Variants in TMEM178B observed in about 807,000 individuals in gnomAD.
TMEM178B encodes the protein transmembrane protein 178B.
A neutral mutation model predicts 31.0 loss-of-function variants in TMEM178B; 5 were observed. The observed-to-expected ratio is 0.16, with a 90% CI of 0.08 to 0.34. The LOEUF (loss-of-function observed/expected upper bound fraction) is 0.34, where lower values mean the gene tolerates loss of function less well. Among genes scored for constraint, TMEM178B ranks in the 10% least tolerant of loss-of-function variants. The probability of loss-of-function intolerance (pLI) is 1.00; values close to 1 mark genes in which losing one functional copy is unlikely to be tolerated. For synonymous variants in TMEM178B, 164 were observed against 164.0 expected (o/e 1.00, Z 0.00); for missense variants, 275 against 400.3 (o/e 0.69, Z 2.67).
intron 1 of TMEM178B, among the ~76,000 whole-genome samples, chr7:141,158,623 T>A (rs1796114231): frequency 6.6e-6 from 1 of 152,200 alleles, no homozygotes; most frequent in East Asian, 1.9e-4. Flanking sequence ...TCCCAGGGAC[T>A]TGAGAAGAGG....
intron 2 of TMEM178B, among the ~76,000 whole-genome samples, chr7:141,309,669 C>T (rs1273684811): frequency 1.3e-5 from 2 of 152,152 alleles, no homozygotes; most frequent in African/African-American, 4.8e-5. Flanking sequence ...TATTCTTCCA[C>T]AAATTACCTA....
intron 2 of TMEM178B, among the ~76,000 whole-genome samples, chr7:141,335,636 C>T (rs895327147): frequency 6.6e-6 from 1 of 152,108 alleles, no homozygotes; most frequent in African/African-American, 2.4e-5. Context: ...ACTATTTTCC[C>T]CCCTTTAAAC....
intron 2 of TMEM178B, among the ~76,000 whole-genome samples, chr7:141,370,805 T>C (rs544474735): frequency 6.6e-6 from 1 of 152,340 alleles, no homozygotes; most frequent in Admixed American, 6.5e-5. Flanking sequence ...ATGCAGAGGA[T>C]ATGCACATTG....
intron 1 of TMEM178B, among the ~76,000 whole-genome samples, chr7:141,180,671 TG>T (rs1796513181): frequency 6.6e-6 from 1 of 152,226 alleles, no homozygotes; most frequent in Admixed American, 6.5e-5. Flanking sequence ...ATTAATACAA[TG>T]GGTTGTTTTG....
At chr7:141,088,043 C>A (rs1291105507) in intron 1 of TMEM178B, among the ~76,000 whole-genome samples, 1 of 152,110 alleles carries the variant, frequency 6.6e-6, no homozygotes, top group Non-Finnish European at 1.5e-5. Flanking sequence ...CAGGCCTGGG[C>A]TGAAGGTCCC....
chr7:141,091,017 A>C (rs1490553186), intron 1 of TMEM178B, among the ~76,000 whole-genome samples: 1 of 152,212 alleles, frequency 6.6e-6, no homozygotes, highest in African/African-American at 2.4e-5. Flanking sequence ...ATAAATATAG[A>C]TATGGCTGCA....
the TMEM178B span, among the ~76,000 whole-genome samples, chr7:141,499,404 G>A: frequency 6.9e-6 from 1 of 145,274 alleles, no homozygotes; most frequent in Non-Finnish European, 1.5e-5. Flanking sequence ...AAGGTGGGAG[G>A]ATTGGTTGAG....
chr7:141,359,427 TC>T (rs1374483346), intron 2 of TMEM178B, among the ~76,000 whole-genome samples: 1 of 152,234 alleles, frequency 6.6e-6, no homozygotes, highest in Non-Finnish European at 1.5e-5. Context: ...ATTCACTCCA[TC>T]CAAACCTGTA....
At chr7:141,367,022 T>A (rs1237787720) in intron 2 of TMEM178B, among the ~76,000 whole-genome samples, 2 of 146,588 alleles carry the variant, frequency 1.4e-5, no homozygotes, top group African/African-American at 5.0e-5. Context: ...TGCTTATTTA[T>A]GTCCCTCCGT....
chr7:141,132,433 A>G (rs891897622), intron 1 of TMEM178B, among the ~76,000 whole-genome samples: 3 of 152,240 alleles, frequency 2.0e-5, no homozygotes, highest in African/African-American at 7.2e-5. Context: ...ACTTTAATCA[A>G]CATTTAGCAA....
chr7:141,186,154 G>A (rs1469095763), intron 1 of TMEM178B, among the ~76,000 whole-genome samples: 1 of 152,158 alleles, frequency 6.6e-6, no homozygotes, highest in African/African-American at 2.4e-5. Context: ...ACTTGTAGCA[G>A]GTTCAGTGTA....
chr7:141,273,990 A>T (rs1002994051), intron 2 of TMEM178B, among the ~76,000 whole-genome samples: 3 of 152,238 alleles, frequency 2.0e-5, no homozygotes, highest in African/African-American at 7.2e-5. Context: ...CGGCAAACCA[A>T]CTGCTGCCTC....
At chr7:141,239,958 A>T (rs577342833) in intron 2 of TMEM178B, among the ~76,000 whole-genome samples, 5 of 152,404 alleles carry the variant, frequency 3.3e-5, no homozygotes, top group Admixed American at 3.3e-4. Context: ...ACCTAAAAAA[A>T]TAAAAAGAAA....
the TMEM178B span, among the ~76,000 whole-genome samples, chr7:141,503,034 C>A: frequency 6.6e-6 from 1 of 152,116 alleles, no homozygotes; most frequent in African/African-American, 2.4e-5. Flanking sequence ...TGATCCATAA[C>A]CCCTCCCCTC....
At chr7:141,253,962 C>T (rs564540134) in intron 2 of TMEM178B, among the ~76,000 whole-genome samples, 16 of 152,326 alleles carry the variant, frequency 1.1e-4, no homozygotes, top group African/African-American at 3.8e-4. Context: ...CAAAGCTATA[C>T]ATCTTTTGGC....
intron 2 of TMEM178B, among the ~76,000 whole-genome samples, chr7:141,342,659 G>A (rs975411399): frequency 6.6e-6 from 1 of 152,228 alleles, no homozygotes; most frequent in Non-Finnish European, 1.5e-5. Flanking sequence ...CCCTTGAACA[G>A]AGAGAAGAGC....
intron 2 of TMEM178B, among the ~76,000 whole-genome samples, chr7:141,283,114 CACCATCCCA>C (rs1249237993): frequency 2.6e-5 from 4 of 152,208 alleles, no homozygotes; most frequent in African/African-American, 7.2e-5. Flanking sequence ...CCATGGATGT[CACCATCCCA>C]ACTGGGCAGG....
chr7:141,274,338 T>A (rs892661178), intron 2 of TMEM178B, among the ~76,000 whole-genome samples: 10 of 152,348 alleles, frequency 6.6e-5, no homozygotes, highest in African/African-American at 2.4e-4. Flanking sequence ...TAACTTATAA[T>A]ATTTCTTCCC....
intron 2 of TMEM178B, among the ~76,000 whole-genome samples, chr7:141,274,373 G>A (rs1362157249): frequency 1.3e-5 from 2 of 152,120 alleles, no homozygotes; most frequent in African/African-American, 4.8e-5. Flanking sequence ...CTCTGTGTGT[G>A]TTCTGGTTCT....
Sources: allele counts gnomAD v4.1 joint callset (sites outside exome capture counted in the v4.1 genomes callset), GRCh38; gene constraint gnomAD v4.1.1; transcripts MANE v1.5; gene names NCBI Gene and HGNC (gene_info 2026-07-23, HGNC 2026-07-21).